DPY19L1: variants seen among roughly 807,000 people sequenced by gnomAD.
The protein encoded by DPY19L1 is protein C-mannosyl-transferase DPY19L1.
A neutral mutation model predicts 96.9 loss-of-function variants in DPY19L1; 35 were observed. The ratio of observed to expected loss-of-function variants is 0.36; its 90% confidence interval spans 0.28 to 0.48. The LOEUF (loss-of-function observed/expected upper bound fraction) is 0.48, where lower values mean the gene tolerates loss of function less well. Among genes scored for constraint, DPY19L1 ranks in the 20% least tolerant of loss-of-function variants. The pLI, the probability that DPY19L1 is intolerant of heterozygous loss-of-function variation, is 0.99. For synonymous variants in DPY19L1, 205 were observed against 252.6 expected (o/e 0.81, Z 1.79); for missense variants, 521 against 777.9 (o/e 0.67, Z 3.93).
chr7:34,944,140 A>G (rs1784085684), intron 16 of DPY19L1, among the ~76,000 whole-genome samples: 1 of 152,060 alleles, frequency 6.6e-6, no homozygotes, highest in South Asian at 2.1e-4. Flanking sequence ...TAAGGCAGGC[A>G]GATCACGAGT....
intron 6 of DPY19L1, among the ~76,000 whole-genome samples, chr7:34,993,999 G>T (rs1785229971): frequency 6.6e-6 from 1 of 152,266 alleles, no homozygotes; most frequent in East Asian, 1.9e-4. Context: ...CGGGAAGGTG[G>T]AGGCTACAAT....
chr7:34,960,195 CTTA>C (rs1784473678), intron 10 of DPY19L1, among the ~76,000 whole-genome samples: 2 of 151,514 alleles, frequency 1.3e-5, no homozygotes, highest in African/African-American at 2.4e-5. Context: ...TCAGAATCAA[CTTA>C]TTAAGCTTCA....
At chr7:34,995,588 A>G (rs1412851863) in intron 6 of DPY19L1, among the ~76,000 whole-genome samples, 1 of 152,172 alleles carries the variant, frequency 6.6e-6, no homozygotes, top group Non-Finnish European at 1.5e-5. Context: ...ATAGATTTAA[A>G]TCAATTATCA....
intron 3 of DPY19L1, among the ~76,000 whole-genome samples, chr7:35,017,189 A>T (rs1386093547): frequency 1.3e-5 from 2 of 152,166 alleles, no homozygotes; most frequent in East Asian, 3.9e-4. Flanking sequence ...AATGTCTGGG[A>T]TTCCCTTTAA....
At chr7:34,960,534 G>A (rs1350546481) in intron 10 of DPY19L1, among the ~76,000 whole-genome samples, 1 of 152,048 alleles carries the variant, frequency 6.6e-6, no homozygotes, top group Non-Finnish European at 1.5e-5. Context: ...GATTTCTCAA[G>A]TATTCAAAAT....
At chr7:34,964,629 C>G (rs191040176) in intron 10 of DPY19L1, among the ~76,000 whole-genome samples, 1 of 152,098 alleles carries the variant, frequency 6.6e-6, no homozygotes, top group Admixed American at 6.5e-5. Flanking sequence ...GGAAATACAC[C>G]GATTCATCTA....
intron 21 of DPY19L1, among the ~76,000 whole-genome samples, chr7:34,932,123 A>T (rs1220242077): frequency 6.6e-6 from 1 of 152,242 alleles, no homozygotes; most frequent in Non-Finnish European, 1.5e-5. Flanking sequence ...GAGGATTATG[A>T]GAGACCAGGT....
chr7:34,974,839 T>C (rs1310398162), intron 7 of DPY19L1, among the ~76,000 whole-genome samples: 2 of 152,192 alleles, frequency 1.3e-5, no homozygotes, highest in African/African-American at 4.8e-5. Flanking sequence ...TGTCTCTGTG[T>C]CATATTTTGG....
chr7:35,017,481 G>A (rs1018467589), intron 3 of DPY19L1, among the ~76,000 whole-genome samples: 2 of 99,382 alleles, frequency 2.0e-5, no homozygotes, highest in East Asian at 2.8e-4. Flanking sequence ...CGGCCTGGGC[G>A]ACAGAGCGAG....
intron 6 of DPY19L1, 96 bp from the exon 7 acceptor site, chr7:34,990,037 T>C: frequency 2.2e-6 from 2 of 904,000 alleles, no homozygotes; most frequent in Admixed American, 3.0e-5. Flanking sequence ...TGGTATTATA[T>C]AAGATTTTAT....
chr7:35,035,734 A>AC (rs1040135233), intron 1 of DPY19L1, among the ~76,000 whole-genome samples: 24 of 152,100 alleles, frequency 1.6e-4, no homozygotes, highest in Non-Finnish European at 3.1e-4. Context: ...CCATGTGATA[A>AC]CCCCCCACTA....
chr7:35,008,760 T>C (rs1052706896), intron 6 of DPY19L1, among the ~76,000 whole-genome samples: 6 of 152,224 alleles, frequency 3.9e-5, no homozygotes, highest in Admixed American at 3.9e-4. Flanking sequence ...AGTAATGCCA[T>C]GTTTCATATT....
intron 21 of DPY19L1, among the ~76,000 whole-genome samples, chr7:34,936,751 G>A (rs1046499827): frequency 3.3e-5 from 5 of 152,142 alleles, no homozygotes; most frequent in African/African-American, 1.2e-4. Context: ...CGTAGCACAC[G>A]TTCATAGGAG....
In DPY19L1 at chr7:34,947,201, A is replaced by G. The variant is rs118005848; in HGVS notation, c.1494+429T>C. 6.5e-4 allele frequency among the ~76,000 whole-genome samples: 99 copies of G among 152,328 alleles called. 3 individuals carry two copies. In the East Asian group the frequency reaches 0.013, roughly 20 times the overall value. On this transcript the variant is annotated intron_variant, in intron 15 of 21. Transcript: ENST00000638088. Reference sequence around the variant, plus strand: ...AACATTTTATCTAGTTCATCAACACATTGCAAATACTCTGTTTTTTCTTTC... The same window carrying G: ...AACATTTTATCTAGTTCATCAACACGTTGCAAATACTCTGTTTTTTCTTTC...
chr7:34,940,183 T>C lies in DPY19L1; in HGVS notation c.1834A>G (p.Ile612Val), dbSNP rs1429642517. The change falls in exon 19 of 22, where the codon ATA becomes GTA. Residue 612 changes from isoleucine to valine, a missense_variant. Physicochemically the swap from Ile to Val is conservative, Grantham distance 29. Transcript: ENST00000638088. Reference protein sequence around the residue: ...EFSNLPQEELIEWIKYSTKPD... With the variant: ...EFSNLPQEELVEWIKYSTKPD... ...TTAGTACTATATTTGATCCATTCTA[T>C]AAGTTCTTCTTGGGGCAAATTGCTG... 1.3e-6 allele frequency: 2 copies of C among 1,593,514 alleles called. No homozygotes were observed. Among genetic ancestry groups the C allele is most frequent in the Non-Finnish European group, 8.5e-7 (1 of 1,170,354 alleles).
At chr7:34,938,259 T>G (rs1290503876) in intron 20 of DPY19L1, 140 bp from the exon 21 acceptor site, 3 of 954,944 alleles carry the variant, frequency 3.1e-6, no homozygotes, top group African/African-American at 3.3e-5. Flanking sequence ...AAGTTCCCGC[T>G]AAGGGGCATC....
At chr7:35,021,451 C>CT (rs1785993317) in intron 1 of DPY19L1, among the ~76,000 whole-genome samples, 1 of 152,258 alleles carries the variant, frequency 6.6e-6, no homozygotes, top group South Asian at 2.1e-4. Flanking sequence ...CATTCATCAT[C>CT]TGCCCAATGT....
intron 21 of DPY19L1, among the ~76,000 whole-genome samples, chr7:34,936,405 A>G (rs1223210565): frequency 6.6e-6 from 1 of 152,196 alleles, no homozygotes; most frequent in Admixed American, 6.5e-5. Context: ...GCTCATTGTT[A>G]GCTTGGAGAA....
At chr7:35,017,711 A>T (rs1429375154) in intron 3 of DPY19L1, among the ~76,000 whole-genome samples, 171 bp downstream of exon 3, 1 of 151,886 alleles carries the variant, frequency 6.6e-6, no homozygotes, top group South Asian at 2.1e-4. Context: ...AATAAAAAAG[A>T]CATAGTGAGT....
Sources: gnomAD v4.1 joint callset for allele counts (sites outside exome capture counted in the v4.1 genomes callset) on GRCh38, gnomAD v4.1.1 for gene constraint, MANE v1.5 for transcripts, NCBI Gene and HGNC (gene_info 2026-07-23, HGNC 2026-07-21) for gene names.